Variants in SBF1 observed in about 807,000 individuals in gnomAD.
SBF1 encodes the protein SET binding factor 1.
A neutral mutation model predicts 215.8 loss-of-function variants in SBF1; 65 were observed. The observed-to-expected ratio is 0.30, with a 90% CI of 0.25 to 0.37. The LOEUF (loss-of-function observed/expected upper bound fraction) is 0.37, where lower values mean the gene tolerates loss of function less well. SBF1 is among the 10% of genes least tolerant of loss of function. The pLI is 1.00. For missense variants in SBF1, 2,634 were observed against 2,667.8 expected, an observed-to-expected ratio of 0.99 and a Z score of 0.28; for synonymous variants, 1,410 against 1,122.8, an observed-to-expected ratio of 1.26 and a Z score of -5.11.
At position 50,462,438 on chromosome 22, in the gene SBF1, G is replaced by T. The variant is rs367688200; in HGVS notation, c.2163C>A (p.Arg721=). 126 of 1,613,972 alleles carry T rather than the reference G, an allele frequency of 7.8e-5. 1 individual carries two copies. In the South Asian group the frequency reaches 1.1e-3, roughly 14 times the overall value. The part of the protein sequence containing the change: ...VGEAPSQEDE[R]SALDVASEQR... The stretch of plus-strand genomic sequence containing the variant: ...GCTCAGAAGCCACGTCTAGGGCAGA[G>T]CGCTCGTCCTCCTGGGAAGGTGCCT... Residue 721 remains arginine (R), a synonymous_variant, in exon 19 of 41, where the codon CGC becomes CGA. Coordinates refer to ENST00000380817, the MANE Select transcript of SBF1 (RefSeq NM_002972.4).
At chr22:50,458,354 C>T (rs2067345946) in intron 28 of SBF1, among the ~76,000 whole-genome samples, 1 of 149,288 alleles carries the variant, frequency 6.7e-6, no homozygotes, top group Non-Finnish European at 1.5e-5. Context: ...GCCACGACTA[C>T]AGCTGAGTGA....
chr22:50,455,142 C>T lies in SBF1; in HGVS notation c.4555G>A (p.Val1519Ile). 1 of 1,614,084 alleles carries T rather than the reference C, an allele frequency of 6.2e-7. No homozygotes were observed. Among genetic ancestry groups the T allele is most frequent in the Non-Finnish European group, 8.5e-7 (1 of 1,180,028 alleles). Residue 1519 changes from valine to isoleucine, a missense_variant and splice_region_variant, in exon 34 of 41, where the codon GTC becomes ATC. Transcript: ENST00000380817. ...AACTCCATGGGGAACTGCAGGTGGACCTGCACGCCATGTGGGTCAGGGGCC... is the reference window on the plus strand; with the variant it reads ...AACTCCATGGGGAACTGCAGGTGGATCTGCACGCCATGTGGGTCAGGGGCC... Reference protein sequence around the residue: ...FLQFLDCVHQVHLQFPMEFEF... With the variant: ...FLQFLDCVHQIHLQFPMEFEF...
rs2067432246 is a variant in SBF1 at position 50,459,967 on chromosome 22, T to C, written c.3476A>G (p.Tyr1159Cys). 5 of 1,613,666 alleles carry C rather than the reference T, an allele frequency of 3.1e-6. No homozygotes were observed. Among genetic ancestry groups the C allele is most frequent in the Non-Finnish European group, 4.2e-6 (5 of 1,179,954 alleles). The change falls in exon 26 of 41, where the codon TAT becomes TGT. Residue 1159 changes from tyrosine to cysteine, a missense_variant. Tyr to Cys is a radical substitution (Grantham distance 194, BLOSUM62 -2). Transcript: ENST00000380817. Reference sequence around the variant, plus strand: ...CGGCCCTCACCTGCGGCAGATGGCATACATGCGGTTGACCGGAGAAATGCG... The same window carrying C: ...CGGCCCTCACCTGCGGCAGATGGCACACATGCGGTTGACCGGAGAAATGCG... ...PFRISPVNRM[Y>C]AICRSYPGLL...
intron 36 of SBF1, among the ~76,000 whole-genome samples, chr22:50,449,709 C>A (rs1280279246): frequency 1.3e-5 from 2 of 151,640 alleles, no homozygotes; most frequent in African/African-American, 4.8e-5. Context: ...AGTCCCAAAA[C>A]CTGCCAGAAG....
intron 5 of SBF1, 96 bp from the exon 6 acceptor site, chr22:50,466,806 G>T: frequency 1.2e-6 from 1 of 844,600 alleles, no homozygotes; most frequent in Non-Finnish European, 1.8e-6. Flanking sequence ...CTGGTGTACT[G>T]ACAGACCCGA....
At chr22:50,459,750 C>T in intron 26 of SBF1, 84 bp from the exon 27 acceptor site, 1 of 1,406,958 alleles carries the variant, frequency 7.1e-7, no homozygotes, top group Non-Finnish European at 9.5e-7. Context: ...GAGGAGCCAG[C>T]CCATGGCTCC....
rs765208173 is a variant in SBF1 at position 50,462,413 on chromosome 22, G to C, written c.2188C>G (p.Gln730Glu). ...CTCAGAGTTGGCCACAAGCGCCGCT[G>C]CTCAGAAGCCACGTCTAGGGCAGAG... ...ERSALDVASE[Q>E]RRLWPTLSRE... The change falls in exon 19 of 41, where the codon CAG becomes GAG. Residue 730 changes from glutamine to glutamate, a missense_variant. Physicochemically the swap from Gln to Glu is conservative, Grantham distance 29. Transcript: ENST00000380817. The C allele has an allele frequency of 6.2e-7, 1 of 1,614,046 alleles. No individual in the cohort carries two copies. The highest frequency in any genetic ancestry group is 1.1e-5 in the South Asian group (1 of 91,086).
At chr22:50,451,002 C>A (rs1005026656) in intron 36 of SBF1, among the ~76,000 whole-genome samples, 1 of 151,918 alleles carries the variant, frequency 6.6e-6, no homozygotes, top group African/African-American at 2.4e-5. Flanking sequence ...AATGGTTTAT[C>A]AGATGGGGAA....
In SBF1 at chr22:50,456,625, G is replaced by A. The variant is rs759430719; in HGVS notation, c.3953C>T (p.Thr1318Ile). 12 of 1,515,464 alleles carry A rather than the reference G, an allele frequency of 7.9e-6. No homozygotes were observed. The highest frequency in any genetic ancestry group is 1.1e-5 in the Non-Finnish European group (12 of 1,133,646). 93.9% of individuals were successfully genotyped at this position (1,515,464 alleles called of 1,614,324 possible). Reference protein sequence around the residue: ...RTSGRSSGLGTDVGSRLAGRD... With the variant: ...RTSGRSSGLGIDVGSRLAGRD... The stretch of plus-strand genomic sequence containing the variant: ...GCCAGCTAGCCGGGAGCCCACATCG[G>A]TGCCAAGGCCACTGCTGCGTCCACT... The change falls in exon 30 of 41, where the codon ACC becomes ATC. Residue 1318 changes from threonine (T) to isoleucine (I), a missense_variant. Transcript: ENST00000380817.
chr22:50,467,718 CAGGGGG>C, intron 3 of SBF1, 28 bp from the exon 4 acceptor site: 1 of 1,543,706 alleles, frequency 6.5e-7, no homozygotes, highest in Non-Finnish European at 8.8e-7. Context: ...GAGACGGGGG[CAGGGGG>C]AGTTGGCCAC....
intron 1 of SBF1, among the ~76,000 whole-genome samples, chr22:50,468,750 C>G (rs185155752): frequency 2.6e-5 from 4 of 152,248 alleles, no homozygotes; most frequent in East Asian, 3.9e-4. Context: ...AGCCCTCCAT[C>G]GAAGGTCAAC....
Position 50,447,029 on chromosome 22 carries a change from C to G in SBF1, c.*113G>C. The stretch of plus-strand genomic sequence containing the variant: ...GCTGTACACACAAGTGCTGGGGGCT[C>G]GGGGCCTCAATACTGTCGAGGGCCG... On this transcript the variant is annotated 3_prime_UTR_variant, in exon 41 of 41. Coordinates refer to ENST00000380817, the MANE Select transcript of SBF1 (RefSeq NM_002972.4). 6 of 935,284 alleles carry G rather than the reference C, an allele frequency of 6.4e-6. No individual in the cohort carries two copies. Among genetic ancestry groups the G allele is most frequent in the Non-Finnish European group, 1.0e-5 (6 of 601,898 alleles). The allele number at this position is 935,284 out of a possible 1,614,324, so 57.9% of individuals were successfully genotyped here.
At chr22:50,449,947 T>C (rs568444429) in intron 36 of SBF1, among the ~76,000 whole-genome samples, 4 of 152,134 alleles carry the variant, frequency 2.6e-5, no homozygotes, top group Admixed American at 2.0e-4. Context: ...TGGGACCACA[T>C]AAGATGGGCC....
intron 27 of SBF1, 30 bp from the exon 28 acceptor site, chr22:50,459,422 G>C: frequency 6.2e-7 from 1 of 1,611,962 alleles, no homozygotes; most frequent in Non-Finnish European, 8.5e-7. Flanking sequence ...TGAGGGAGGG[G>C]AGGGTGAGAT....
At chr22:50,449,345 G>A (rs947514021) in intron 36 of SBF1, among the ~76,000 whole-genome samples, 3 of 151,936 alleles carry the variant, frequency 2.0e-5, no homozygotes, top group East Asian at 1.9e-4. Flanking sequence ...GGCCAGGCGC[G>A]GTGGCTCACG....
chr22:50,457,183 A>G lies in SBF1; in HGVS notation c.3827-72T>C, dbSNP rs542760780. 2.2e-5 allele frequency: 27 copies of G among 1,255,342 alleles called. No individual in the cohort carries two copies. The South Asian group carries it at 2.7e-4, about 12-fold the overall frequency. 77.8% of individuals were successfully genotyped at this position (1,255,342 alleles called of 1,614,324 possible). On this transcript the variant is annotated intron_variant, in intron 28 of 40. Transcript: ENST00000380817. Reference sequence around the variant, plus strand: ...GCGTGCCCAGCTTGGGGGTGCCTACAGGTCAGAGGGTTCCACCAAGCCCCC... The same window carrying G: ...GCGTGCCCAGCTTGGGGGTGCCTACGGGTCAGAGGGTTCCACCAAGCCCCC...
chr22:50,448,220 G>A lies in SBF1; in HGVS notation c.5363+13C>T, dbSNP rs2066911335. The stretch of plus-strand genomic sequence containing the variant: ...CAGAGGTGTCCATGTGGCAGTGGGA[G>A]GTGCCCTCATACCTGTTCTCACTCT... On this transcript the variant is annotated intron_variant, in intron 38 of 40. Transcript: ENST00000380817. 1.2e-6 allele frequency: 2 copies of A among 1,609,202 alleles called. No homozygotes were observed. The highest frequency in any genetic ancestry group is 1.7e-6 in the Non-Finnish European group (2 of 1,178,768).
chr22:50,458,517 GGTTTC>G (rs2067355097), intron 28 of SBF1, among the ~76,000 whole-genome samples: 1 of 152,114 alleles, frequency 6.6e-6, no homozygotes, highest in South Asian at 2.1e-4. Flanking sequence ...TGCCACTCAG[GGTTTC>G]TGGCAGGGGT....
rs1301792374 is a variant in SBF1, at chr22:50,462,656, C to A, written c.2030G>T (p.Ser677Ile). Residue 677 changes from serine (S) to isoleucine (I), a missense_variant, in exon 18 of 41, where the codon AGC becomes ATC. By Grantham distance (142) the Ser-to-Ile change is moderately radical. Transcript: ENST00000380817. ...CATGGCCTCCCAGAACTGTGGCGTG[C>A]TCCACACCACGTGCTCCTGCACACA... ...YSCVQEHVVW[S>I]TPQFWEAMFY... 1 of 1,612,690 alleles carries A rather than the reference C, an allele frequency of 6.2e-7. No homozygotes were observed. Among genetic ancestry groups the A allele is most frequent in the Non-Finnish European group, 8.5e-7 (1 of 1,179,712 alleles).
Sources: allele counts gnomAD v4.1 joint callset (sites outside exome capture counted in the v4.1 genomes callset), GRCh38; gene constraint gnomAD v4.1.1; transcripts MANE v1.5; gene names NCBI Gene and HGNC (gene_info 2026-07-23, HGNC 2026-07-21).